Variants in CTNNA3 observed in about 807,000 individuals in gnomAD.
CTNNA3 encodes catenin alpha 3, also known as catenin alpha-3.
CTNNA3 carries 76 observed loss-of-function variants against 95.7 expected under a neutral mutation model. The ratio of observed to expected loss-of-function variants is 0.79; its 90% CI spans 0.66 to 0.96. CTNNA3 has a LOEUF of 0.96. Among genes scored for constraint, CTNNA3 ranks in the 40% least tolerant of loss-of-function variants. The probability of loss-of-function intolerance (pLI) is 0.00; values close to 1 mark genes in which losing one functional copy is unlikely to be tolerated. For missense variants in CTNNA3, 1,191 were observed against 1,089.8 expected, an observed-to-expected ratio of 1.09 and a Z score of -1.31; for synonymous variants, 431 against 374.4, an observed-to-expected ratio of 1.15 and a Z score of -1.74.
chr10:67,645,330 T>G (rs1839672632), intron 2 of CTNNA3, among the ~76,000 whole-genome samples: 1 of 152,160 alleles, frequency 6.6e-6, no homozygotes, highest in Non-Finnish European at 1.5e-5. Flanking sequence ...ATATAAAAAG[T>G]AGTTTCCCCA....
At chr10:66,444,624 T>A (rs1338026865) in intron 11 of CTNNA3, among the ~76,000 whole-genome samples, 6 of 152,080 alleles carry the variant, frequency 3.9e-5, no homozygotes, top group African/African-American at 1.4e-4. Context: ...AAGCAAATGC[T>A]GAGAGATTTT....
At chr10:65,945,162 A>G (rs1670141) in intron 17 of CTNNA3, among the ~76,000 whole-genome samples, 39,485 of 123,178 alleles carry the variant, frequency 0.32, 5,965 homozygotes, top group Middle Eastern at 0.42. Flanking sequence ...GTGTGTGTGT[A>G]TATATATATA....
chr10:66,469,109 G>C (rs923935940), intron 11 of CTNNA3, among the ~76,000 whole-genome samples: 11 of 151,880 alleles, frequency 7.2e-5, no homozygotes, highest in Admixed American at 5.9e-4. Flanking sequence ...TTTGTGCCAG[G>C]TATTGTACTT....
At chr10:66,752,695 C>T (rs993103396) in intron 9 of CTNNA3, among the ~76,000 whole-genome samples, 45 of 152,178 alleles carry the variant, frequency 3.0e-4, no homozygotes, top group African/African-American at 1.1e-3. Flanking sequence ...AAAAAACTTG[C>T]ATTCTAAATA....
Position 66,660,685 on chromosome 10 carries a change from G to A in CTNNA3, c.1282-38901C>T, listed in dbSNP as rs577650527. On this transcript the variant is annotated intron_variant, in intron 9 of 17. Coordinates refer to ENST00000433211, the MANE Select transcript of CTNNA3 (RefSeq NM_013266.4). Reference sequence around the variant, plus strand: ...TTCTCCCTAGAATGATTTCTCCTCAGCTGATAATATGTATCACTTCTTTAA... The same window carrying A: ...TTCTCCCTAGAATGATTTCTCCTCAACTGATAATATGTATCACTTCTTTAA... 2.8e-4 allele frequency among the ~76,000 whole-genome samples: 43 copies of A among 152,188 alleles called. 1 individual carries two copies. The highest frequency in any genetic ancestry group is 1.0e-3 in the African/African-American group (42 of 41,536).
chr10:67,501,151 C>G (rs571889115), intron 5 of CTNNA3, among the ~76,000 whole-genome samples: 88 of 152,330 alleles, frequency 5.8e-4, no homozygotes, highest in African/African-American at 2.1e-3. Context: ...TCTTGTAAGG[C>G]AGGCCTGGTG....
chr10:67,219,190 T>C (rs2132263295), intron 6 of CTNNA3, among the ~76,000 whole-genome samples: 1 of 152,344 alleles, frequency 6.6e-6, no homozygotes, highest in African/African-American at 2.4e-5. Flanking sequence ...CTACAGTGTT[T>C]ATTGGTTTTA....
intron 1 of CTNNA3, among the ~76,000 whole-genome samples, chr10:67,749,732 C>T (rs2131746818): frequency 6.6e-6 from 1 of 152,222 alleles, no homozygotes; most frequent in East Asian, 1.9e-4. Flanking sequence ...AATTGACACC[C>T]TAACATCACA....
rs1589291889 is a variant in CTNNA3, at chr10:66,467,807, G to A, written c.1531+52810C>T. On this transcript the variant is annotated intron_variant, in intron 11 of 17. Transcript: ENST00000433211. Reference sequence around the variant, plus strand: ...GCGTATGGTAAGTGAAATTAGCATTGAGTTATTTGAACCTGGAAGCATCAT... The same window carrying A: ...GCGTATGGTAAGTGAAATTAGCATTAAGTTATTTGAACCTGGAAGCATCAT... Among the ~76,000 whole-genome samples the A allele has an allele frequency of 3.3e-5, 5 of 152,160 alleles. No homozygotes were observed. The South Asian group carries it at 1.0e-3, about 32-fold the overall frequency.
chr10:66,025,508 T>C (rs2079315735), intron 15 of CTNNA3, among the ~76,000 whole-genome samples: 1 of 152,218 alleles, frequency 6.6e-6, no homozygotes, highest in African/African-American at 2.4e-5. Flanking sequence ...TGAATACTGT[T>C]GGAAGATATA....
intron 4 of CTNNA3, among the ~76,000 whole-genome samples, chr10:67,533,978 A>G (rs1489300529): frequency 6.6e-6 from 1 of 151,966 alleles, no homozygotes; most frequent in African/African-American, 2.4e-5. Context: ...AAAAATTGTG[A>G]GCTCAGAGGA....
chr10:65,971,804 C>A (rs546819659), intron 16 of CTNNA3, among the ~76,000 whole-genome samples: 1 of 152,108 alleles, frequency 6.6e-6, no homozygotes. Flanking sequence ...CTCTTTAGCT[C>A]ATTCAACAAA....
At chr10:67,467,387 G>A (rs1352213502) in intron 5 of CTNNA3, among the ~76,000 whole-genome samples, 2 of 151,874 alleles carry the variant, frequency 1.3e-5, no homozygotes, top group Admixed American at 1.3e-4. Flanking sequence ...ACATAAGTTT[G>A]GATGATCTTA....
At chr10:66,333,462 A>T (rs1227266274) in intron 12 of CTNNA3, among the ~76,000 whole-genome samples, 1 of 151,864 alleles carries the variant, frequency 6.6e-6, no homozygotes, top group East Asian at 1.9e-4. Flanking sequence ...GAATATCTTT[A>T]TTTCTGCCTT....
At chr10:67,372,351 A>C (rs1220807531) in intron 5 of CTNNA3, among the ~76,000 whole-genome samples, 1 of 152,162 alleles carries the variant, frequency 6.6e-6, no homozygotes, top group Admixed American at 6.5e-5. Context: ...TGGGGTTTTT[A>C]TGGTTTTAGG....
intron 2 of CTNNA3, among the ~76,000 whole-genome samples, chr10:67,617,883 TG>T (rs1239254098): frequency 6.6e-6 from 1 of 152,096 alleles, no homozygotes; most frequent in Non-Finnish European, 1.5e-5. Context: ...TTTTCTCATA[TG>T]CTTGTTGGAA....
At chr10:66,035,271 T>C (rs1287669021) in intron 15 of CTNNA3, among the ~76,000 whole-genome samples, 1 of 152,084 alleles carries the variant, frequency 6.6e-6, no homozygotes, top group African/African-American at 2.4e-5. Flanking sequence ...GGGAATGAAA[T>C]GAGCATTCCA....
At chr10:65,922,189 G>T (rs569066892) in intron 17 of CTNNA3, among the ~76,000 whole-genome samples, 9 of 152,116 alleles carry the variant, frequency 5.9e-5, no homozygotes, top group African/African-American at 2.2e-4. Flanking sequence ...ATTATTTTTC[G>T]ATATCAAATA....
chr10:67,186,213 C>T (rs925194924), intron 6 of CTNNA3, among the ~76,000 whole-genome samples: 1 of 152,126 alleles, frequency 6.6e-6, no homozygotes, highest in African/African-American at 2.4e-5. Flanking sequence ...AAACTGATTA[C>T]ATTTCAAATC....
Sources: gnomAD v4.1 joint callset for allele counts (sites outside exome capture counted in the v4.1 genomes callset) on GRCh38, gnomAD v4.1.1 for gene constraint, MANE v1.5 for transcripts, NCBI Gene and HGNC (gene_info 2026-07-23, HGNC 2026-07-21) for gene names.